The following RTL4 variants were observed in gnomAD, a reference collection of about 807,000 sequenced individuals.
The protein encoded by RTL4 is retrotransposon Gag like 4.
RTL4 carries 4 observed loss-of-function variants against 5.3 expected under a neutral mutation model. That is an observed-to-expected ratio of 0.75 (90% CI 0.37 to 1.72). RTL4 has a LOEUF of 1.72. Among genes scored for constraint, RTL4 ranks in the 40% most tolerant of loss-of-function variants. RTL4 has a pLI of 0.04. For missense variants in RTL4, 260 were observed against 227.1 expected, an observed-to-expected ratio of 1.14 and a Z score of -0.93; for synonymous variants, 98 against 87.3, an observed-to-expected ratio of 1.12 and a Z score of -0.68.
the RTL4 span, among the ~76,000 whole-genome samples, chrX:112,249,504 G>A: frequency 1.8e-5 from 2 of 111,179 alleles, no homozygotes; most frequent in Admixed American, 9.6e-5. Context: ...TGAATTGGTA[G>A]ACTGAGTAAA....
chrX:112,452,353 G>A (rs755392641), upstream of RTL4, among the ~76,000 whole-genome samples: 9 of 103,444 alleles, frequency 8.7e-5, no homozygotes, highest in African/African-American at 2.5e-4. Context: ...CACCCACCTC[G>A]GCCTCCCAAA....
At chrX:112,083,298 T>G in the RTL4 span, among the ~76,000 whole-genome samples, 2 of 112,556 alleles carry the variant, frequency 1.8e-5, no homozygotes, top group Non-Finnish European at 3.8e-5. Flanking sequence ...TCCCCTGCTT[T>G]GGGCAGTGAC....
the RTL4 span, among the ~76,000 whole-genome samples, chrX:112,165,636 A>G: frequency 9.1e-6 from 1 of 110,093 alleles, no homozygotes; most frequent in Admixed American, 9.7e-5. Context: ...AATATTTTTG[A>G]CTCTAATATA....
chrX:112,143,215 G>C, the RTL4 span, among the ~76,000 whole-genome samples: 851 of 111,566 alleles, frequency 7.6e-3, 6 homozygotes, highest in African/African-American at 0.027. Context: ...TTAGGCTGCC[G>C]TAGGATAAGT....
At chrX:112,231,927 C>T in the RTL4 span, among the ~76,000 whole-genome samples, 6 of 111,615 alleles carry the variant, frequency 5.4e-5, no homozygotes, top group African/African-American at 2.0e-4. Context: ...CTTGAGAGCA[C>T]ATGTGCTTAA....
the RTL4 span, among the ~76,000 whole-genome samples, chrX:112,196,818 A>G: frequency 1.8e-5 from 2 of 111,455 alleles, no homozygotes; most frequent in African/African-American, 6.5e-5. Context: ...CTATGTTATA[A>G]TCAGATTGTT....
At chrX:112,112,763 G>C in the RTL4 span, among the ~76,000 whole-genome samples, 1 of 111,667 alleles carries the variant, frequency 9.0e-6, no homozygotes, top group East Asian at 2.8e-4. Flanking sequence ...ACAGATGAGG[G>C]CTATCCCTAA....
At chrX:112,356,702 T>C in the RTL4 span, among the ~76,000 whole-genome samples, 5 of 111,151 alleles carry the variant, frequency 4.5e-5, no homozygotes, top group Non-Finnish European at 9.4e-5. Context: ...TCAGCTTTCC[T>C]ATAACTTTAT....
the RTL4 span, among the ~76,000 whole-genome samples, chrX:112,333,033 T>G: frequency 9.0e-6 from 1 of 110,890 alleles, no homozygotes; most frequent in Non-Finnish European, 1.9e-5. Flanking sequence ...AAGTCTGTTT[T>G]GTCTGATATT....
the RTL4 span, among the ~76,000 whole-genome samples, chrX:112,185,247 C>T: frequency 1.8e-5 from 2 of 108,983 alleles, no homozygotes; most frequent in Non-Finnish European, 3.8e-5. Context: ...GGGTAGTTTC[C>T]CTGTTATGGA....
the RTL4 span, among the ~76,000 whole-genome samples, chrX:112,217,088 G>A: frequency 1.8e-5 from 2 of 111,730 alleles, no homozygotes; most frequent in Admixed American, 9.5e-5. Context: ...TAGGTGAAAG[G>A]AGATTAGAGA....
chrX:112,088,608 A>G, the RTL4 span, among the ~76,000 whole-genome samples: 5 of 112,053 alleles, frequency 4.5e-5, no homozygotes, highest in Admixed American at 2.8e-4. Context: ...TGGTAATTCT[A>G]TATTTAACTA....
the RTL4 span, among the ~76,000 whole-genome samples, chrX:112,100,643 G>T: frequency 9.0e-6 from 1 of 111,674 alleles, no homozygotes; most frequent in South Asian, 3.7e-4. Flanking sequence ...ATGGAAAAAA[G>T]AGTCTGGATG....
chrX:112,144,939 TC>T, the RTL4 span, among the ~76,000 whole-genome samples: 1 of 111,712 alleles, frequency 9.0e-6, no homozygotes, highest in Non-Finnish European at 1.9e-5. Context: ...TGATGCTTGA[TC>T]AGGGTGACAT....
chrX:112,381,296 C>T, the RTL4 span: 1 of 1,209,543 alleles, frequency 8.3e-7, no homozygotes. Flanking sequence ...CCCCAGAAGG[C>T]TCCTTCCACC....
At chrX:112,452,912 A>T (rs993087690), upstream of RTL4, among the ~76,000 whole-genome samples, 8 of 110,581 alleles carry the variant, frequency 7.2e-5, no homozygotes, top group African/African-American at 2.3e-4. Context: ...GGCGCCTATA[A>T]TCTCAGCTAC....
the RTL4 span, among the ~76,000 whole-genome samples, chrX:112,219,847 A>G: frequency 8.9e-6 from 1 of 112,101 alleles, no homozygotes; most frequent in African/African-American, 3.2e-5. Flanking sequence ...TCTGCCCCTT[A>G]TACTGGGCCT....
At chrX:112,233,973 G>A in the RTL4 span, among the ~76,000 whole-genome samples, 5 of 110,628 alleles carry the variant, frequency 4.5e-5, no homozygotes, top group African/African-American at 9.9e-5. Flanking sequence ...CAGGCAGATC[G>A]CAAGGTCAGG....
the RTL4 span, among the ~76,000 whole-genome samples, chrX:112,340,574 C>T: frequency 0.047 from 3,465 of 73,575 alleles, 222 homozygotes; most frequent in African/African-American, 0.17. Flanking sequence ...TTTATCTTTT[C>T]ATCTTTTCGG....
Sources: allele counts gnomAD v4.1 joint callset (sites outside exome capture counted in the v4.1 genomes callset), GRCh38; gene constraint gnomAD v4.1.1; transcripts MANE v1.5; gene names NCBI Gene and HGNC (gene_info 2026-07-23, HGNC 2026-07-21).